Variants in QPCT observed in about 807,000 individuals in gnomAD.
QPCT encodes glutaminyl-peptide cyclotransferase, also known as EC.
A neutral mutation model predicts 43.4 loss-of-function variants in QPCT; 44 were observed. The ratio of observed to expected loss-of-function variants is 1.01; its 90% CI spans 0.80 to 1.30. QPCT has a LOEUF of 1.30. Ranked by LOEUF, QPCT falls within the 50% of genes most tolerant of loss-of-function variation. The pLI, the probability that QPCT is intolerant of heterozygous loss-of-function variation, is 0.00. For missense variants in QPCT, 526 were observed against 436.5 expected, an observed-to-expected ratio of 1.21 and a Z score of -1.83; for synonymous variants, 168 against 168.4, an observed-to-expected ratio of 1.00 and a Z score of 0.02.
chr2:37,357,784 G>A (rs1672779109), intron 2 of QPCT, among the ~76,000 whole-genome samples: 2 of 151,988 alleles, frequency 1.3e-5, no homozygotes, highest in African/African-American at 4.8e-5. Context: ...GCTTCCTGCC[G>A]CAGTTGTTTT....
chr2:37,349,113 G>C (rs763397546), intron 1 of QPCT, among the ~76,000 whole-genome samples: 9 of 152,244 alleles, frequency 5.9e-5, no homozygotes, highest in Non-Finnish European at 7.3e-5. Flanking sequence ...GTAGTTGACT[G>C]AGTGTAGTTG....
intron 3 of QPCT, among the ~76,000 whole-genome samples, chr2:37,361,933 G>A (rs1282616664): frequency 2.0e-5 from 3 of 152,158 alleles, no homozygotes; most frequent in African/African-American, 7.2e-5. Flanking sequence ...TAGCTCCAAG[G>A]TACTAGGCTG....
chr2:37,370,632 A>G (rs1310951734), intron 5 of QPCT, among the ~76,000 whole-genome samples: 1 of 152,138 alleles, frequency 6.6e-6, no homozygotes, highest in Non-Finnish European at 1.5e-5. Flanking sequence ...CAAAGAAGCA[A>G]GAGATCAGGA....
At chr2:37,362,760 G>T (rs905298430) in intron 3 of QPCT, among the ~76,000 whole-genome samples, 22 of 152,182 alleles carry the variant, frequency 1.4e-4, no homozygotes, top group African/African-American at 5.1e-4. Context: ...TTCCTTGATA[G>T]AATCCTAAAA....
At chr2:37,345,429 T>G (rs1184195808) in intron 1 of QPCT, among the ~76,000 whole-genome samples, 1 of 152,232 alleles carries the variant, frequency 6.6e-6, no homozygotes, top group African/African-American at 2.4e-5. Flanking sequence ...GCCTTTTTCC[T>G]CCACTTAAAA....
chr2:37,345,491 G>T (rs1672466076), intron 1 of QPCT, among the ~76,000 whole-genome samples: 1 of 152,156 alleles, frequency 6.6e-6, no homozygotes, highest in South Asian at 2.1e-4. Flanking sequence ...GGTAGAAATC[G>T]CATATAAGGA....
intron 2 of QPCT, among the ~76,000 whole-genome samples, chr2:37,358,090 A>G (rs1205047393): frequency 1.3e-5 from 2 of 150,050 alleles, no homozygotes; most frequent in Admixed American, 6.6e-5. Context: ...GCAATTTACA[A>G]TGATGTATAT....
At chr2:37,356,937 T>C (rs969960714) in intron 2 of QPCT, among the ~76,000 whole-genome samples, 1 of 151,642 alleles carries the variant, frequency 6.6e-6, no homozygotes, top group African/African-American at 2.4e-5. Context: ...AACCAGGGAG[T>C]TGGAGGTTGC....
At position 37,367,302 on chromosome 2, in the gene QPCT, A is replaced by T. The variant is rs1354172190; in HGVS notation, c.617A>T (p.His206Leu). 6 of 1,613,880 alleles carry T rather than the reference A, an allele frequency of 3.7e-6. No homozygotes were observed. In the African/African-American group the frequency reaches 6.7e-5, roughly 18 times the overall value. Residue 206 changes from histidine to leucine, a missense_variant, in exon 4 of 7, where the codon CAC becomes CTC. Transcript: ENST00000338415. The part of the protein sequence containing the change: ...IFFDGEEAFL[H>L]WSPQDSLYGS... Reference sequence around the variant, plus strand: ...TTTGATGGTGAAGAGGCTTTTCTTCACTGGTCTCCTCAAGATTCTCTCTAT... The same window carrying T: ...TTTGATGGTGAAGAGGCTTTTCTTCTCTGGTCTCCTCAAGATTCTCTCTAT...
At chr2:37,358,848 C>T (rs138982710) in intron 2 of QPCT, 14 of 152,350 alleles carry the variant, frequency 9.2e-5, no homozygotes, top group African/African-American at 3.1e-4. Context: ...TAACCTGAAC[C>T]ACCCCCTAGC....
At chr2:37,352,398 A>T (rs1180684493) in intron 1 of QPCT, among the ~76,000 whole-genome samples, 1 of 152,172 alleles carries the variant, frequency 6.6e-6, no homozygotes, top group East Asian at 1.9e-4. Context: ...AACACAGCTC[A>T]CTGCAACCTT....
chr2:37,344,786 G>C lies in QPCT; in HGVS notation c.55G>C (p.Val19Leu), dbSNP rs1672444284. The change falls in exon 1 of 7, where the codon GTG (valine) becomes CTG (leucine). Residue 19 changes from valine to leucine, a missense_variant. Transcript: ENST00000338415. ...VVGTLHLLLL[V>L]AALPWASRGV... Reference sequence around the variant, plus strand: ...GGGCACCCTCCACCTGCTGCTGCTGGTGGCCGCCCTGCCCTGGGCATCCAG... The same window carrying C: ...GGGCACCCTCCACCTGCTGCTGCTGCTGGCCGCCCTGCCCTGGGCATCCAG... 1 of 1,609,948 alleles carries C rather than the reference G, an allele frequency of 6.2e-7. No homozygotes were observed. The highest frequency in any genetic ancestry group is 1.3e-5 in the African/African-American group (1 of 74,670).
At position 37,359,795 on chromosome 2, in the gene QPCT, C is replaced by T. The variant is rs764001753; in HGVS notation, c.483C>T (p.Ala161=). ...NRVFVGATDS[A]VPCAMMLELA... ...TGTTTGTAGGAGCCACTGATTCAGC[C>T]GTGCCATGTGCAATGATGTTGGAAC... Residue 161 remains alanine, a synonymous_variant, in exon 3 of 7, where the codon GCC becomes GCT. Transcript: ENST00000338415. 2.7e-5 allele frequency: 44 copies of T among 1,614,042 alleles called. No individual in the cohort carries two copies. Among genetic ancestry groups the T allele is most frequent in the South Asian group, 1.6e-4 (15 of 91,086 alleles).
chr2:37,366,664 A>G (rs919325642), intron 3 of QPCT, among the ~76,000 whole-genome samples: 1 of 152,236 alleles, frequency 6.6e-6, no homozygotes, highest in African/African-American at 2.4e-5. Flanking sequence ...GTGGCCTTGG[A>G]TCAACACAGG....
chr2:37,371,711 C>G (rs1572739864), intron 5 of QPCT, among the ~76,000 whole-genome samples: 1 of 152,154 alleles, frequency 6.6e-6, no homozygotes, highest in African/African-American at 2.4e-5. Context: ...GGTTCTCAAA[C>G]TTTAAAGTGC....
chr2:37,367,356 C>A lies in QPCT; in HGVS notation c.671C>A (p.Ala224Glu), dbSNP rs762891607. 1 of 1,614,008 alleles carries A rather than the reference C, an allele frequency of 6.2e-7. No individual in the cohort carries two copies. Among genetic ancestry groups the A allele is most frequent in the Admixed American group, 1.7e-5 (1 of 60,020 alleles). ...YGSRHLAAKM[A>E]STPHPPGARG... ...TCTCGACACTTAGCTGCAAAGATGG[C>A]ATCGACCCCGCACCCACCTGGAGCG... Residue 224 changes from alanine (A) to glutamate (E), a missense_variant, in exon 4 of 7, where the codon GCA becomes GAA. Transcript: ENST00000338415.
chr2:37,361,886 A>G (rs148521138), intron 3 of QPCT, among the ~76,000 whole-genome samples: 1 of 152,344 alleles, frequency 6.6e-6, no homozygotes, highest in East Asian at 1.9e-4. Context: ...TAGTGTTACC[A>G]TGAAGACCTT....
At chr2:37,357,138 T>G (rs185048324) in intron 2 of QPCT, among the ~76,000 whole-genome samples, 2 of 152,212 alleles carry the variant, frequency 1.3e-5, no homozygotes, top group Non-Finnish European at 2.9e-5. Context: ...GAAATAAGTT[T>G]GTGTGTGACT....
intron 1 of QPCT, among the ~76,000 whole-genome samples, chr2:37,346,984 A>G (rs963369143): frequency 4.6e-5 from 7 of 150,758 alleles, no homozygotes; most frequent in African/African-American, 1.7e-4. Context: ...GTAAAAGCAG[A>G]TCAACTGTAG....
Sources: allele counts gnomAD v4.1 joint callset (sites outside exome capture counted in the v4.1 genomes callset), GRCh38; gene constraint gnomAD v4.1.1; transcripts MANE v1.5; gene names NCBI Gene and HGNC (gene_info 2026-07-23, HGNC 2026-07-21).